RFC3: variants seen among roughly 807,000 people sequenced by gnomAD.
The protein encoded by RFC3 is replication factor C subunit 3.
Under a neutral mutation model 45.1 loss-of-function variants are expected in RFC3, and 41 were observed. The observed-to-expected ratio is 0.91, with a 90% confidence interval of 0.71 to 1.18. The LOEUF is 1.18. RFC3 is among the 50% of genes most tolerant of loss of function. The pLI is 0.00. For synonymous variants in RFC3, 149 were observed against 144.0 expected (o/e 1.03, Z -0.25); for missense variants, 423 against 428.1 (o/e 0.99, Z 0.10).
intron 8 of RFC3, among the ~76,000 whole-genome samples, chr13:33,953,061 C>T (rs2083000129): frequency 6.6e-6 from 1 of 151,988 alleles, no homozygotes; most frequent in Admixed American, 6.6e-5. Flanking sequence ...AAGTCGTTAG[C>T]TCACATTGAA....
intron 8 of RFC3, among the ~76,000 whole-genome samples, chr13:33,880,437 A>G (rs902982477): frequency 1.3e-5 from 2 of 152,166 alleles, no homozygotes; most frequent in African/African-American, 2.4e-5. Context: ...TTAGTGAGTC[A>G]TTGTGGGTTG....
intron 8 of RFC3, among the ~76,000 whole-genome samples, chr13:33,891,125 G>C (rs2082560896): frequency 6.6e-6 from 1 of 152,026 alleles, no homozygotes; most frequent in African/African-American, 2.4e-5. Context: ...ACGTTTAGTG[G>C]TTGTAAAAAA....
chr13:33,923,049 A>G (rs1238988498), intron 8 of RFC3, among the ~76,000 whole-genome samples: 6 of 152,130 alleles, frequency 3.9e-5, no homozygotes, highest in Non-Finnish European at 8.8e-5. Flanking sequence ...ACATTAGGAA[A>G]AGTAGAGAAA....
the RFC3 span, among the ~76,000 whole-genome samples, chr13:33,977,146 CTG>C: frequency 2.6e-5 from 4 of 152,134 alleles, no homozygotes; most frequent in Non-Finnish European, 4.4e-5. Context: ...GTCTGAGAAA[CTG>C]TGGCAAGCAA....
At chr13:33,826,566 C>A (rs528756032) in intron 4 of RFC3, among the ~76,000 whole-genome samples, 12 of 152,030 alleles carry the variant, frequency 7.9e-5, no homozygotes, top group Non-Finnish European at 1.8e-4. Context: ...CAGCTGATTT[C>A]TTTCCTCAGT....
chr13:33,945,935 T>G (rs543195112), intron 8 of RFC3, among the ~76,000 whole-genome samples: 10 of 152,216 alleles, frequency 6.6e-5, no homozygotes, highest in Middle Eastern at 3.2e-3. Context: ...AGATGGAGAA[T>G]CTTATGGTTT....
At chr13:33,949,647 C>T (rs2082976543) in intron 8 of RFC3, among the ~76,000 whole-genome samples, 1 of 152,034 alleles carries the variant, frequency 6.6e-6, no homozygotes, top group Non-Finnish European at 1.5e-5. Context: ...TTTTATGTGT[C>T]AACTTGATTA....
chr13:33,868,479 T>C (rs2082387665), intron 8 of RFC3, among the ~76,000 whole-genome samples: 1 of 152,216 alleles, frequency 6.6e-6, no homozygotes, highest in Non-Finnish European at 1.5e-5. Context: ...GTACCTTTGA[T>C]TGGTTCCCTC....
At chr13:33,971,859 C>G in the RFC3 span, among the ~76,000 whole-genome samples, 5 of 152,168 alleles carry the variant, frequency 3.3e-5, no homozygotes, top group African/African-American at 1.2e-4. Context: ...CGCCTGTAAT[C>G]CTAGTACTTT....
chr13:33,887,690 T>G (rs2082535025), intron 8 of RFC3, among the ~76,000 whole-genome samples: 1 of 152,214 alleles, frequency 6.6e-6, no homozygotes, highest in Non-Finnish European at 1.5e-5. Flanking sequence ...GTTTTAGACA[T>G]GAAGTCCTTG....
chr13:33,967,486 CTTT>C (rs11393413), downstream of RFC3, among the ~76,000 whole-genome samples: 1 of 119,464 alleles, frequency 8.4e-6, no homozygotes, highest in Non-Finnish European at 1.6e-5. Context: ...ACCAGCAATT[CTTT>C]TTTTTTTTTT....
intron 1 of RFC3, 50 bp downstream of exon 1, chr13:33,818,315 G>T: frequency 1.3e-6 from 2 of 1,500,018 alleles, no homozygotes; most frequent in Non-Finnish European, 9.3e-7. Flanking sequence ...CCCCCGGCTC[G>T]GGGTTTCGCG....
intron 5 of RFC3, among the ~76,000 whole-genome samples, 154 bp from the exon 6 acceptor site, chr13:33,830,565 G>A (rs1344160585): frequency 6.6e-6 from 1 of 152,162 alleles, no homozygotes; most frequent in African/African-American, 2.4e-5. Flanking sequence ...GCAACATTGT[G>A]TTAGATGCAG....
chr13:33,938,232 C>T (rs1593705641), intron 8 of RFC3, among the ~76,000 whole-genome samples: 1 of 122,338 alleles, frequency 8.2e-6, no homozygotes, highest in Non-Finnish European at 1.7e-5. Flanking sequence ...ATGAAAATGA[C>T]TTCAAAGCAA....
chr13:33,871,971 A>G (rs2082412940), intron 8 of RFC3, among the ~76,000 whole-genome samples: 1 of 152,196 alleles, frequency 6.6e-6, no homozygotes. Context: ...AGTAGTCAGT[A>G]TTTACAATAG....
intron 8 of RFC3, chr13:33,966,029 C>A: frequency 8.1e-7 from 1 of 1,234,552 alleles, no homozygotes; most frequent in Non-Finnish European, 1.2e-6. Flanking sequence ...TCTATGGAAT[C>A]TCATTCATAG....
chr13:33,832,226 A>G (rs113039191), intron 7 of RFC3, among the ~76,000 whole-genome samples: 1 of 152,140 alleles, frequency 6.6e-6, no homozygotes, highest in African/African-American at 2.4e-5. Flanking sequence ...GCACAGTCTC[A>G]TATCCTTGTT....
chr13:33,863,627 C>T (rs1471697261), intron 8 of RFC3, among the ~76,000 whole-genome samples: 1 of 152,212 alleles, frequency 6.6e-6, no homozygotes, highest in East Asian at 1.9e-4. Context: ...GTTGTCCATG[C>T]TGTCCATGTG....
At chr13:33,931,216 G>A (rs568123667) in intron 8 of RFC3, among the ~76,000 whole-genome samples, 127 of 152,220 alleles carry the variant, frequency 8.3e-4, no homozygotes, top group African/African-American at 3.0e-3. Context: ...GCTCACGATG[G>A]CAATGAAAGT....
Sources: allele counts gnomAD v4.1 joint callset (sites outside exome capture counted in the v4.1 genomes callset), GRCh38; gene constraint gnomAD v4.1.1; transcripts MANE v1.5; gene names NCBI Gene and HGNC (gene_info 2026-07-23, HGNC 2026-07-21).